CTNNA3: variants seen among roughly 807,000 people sequenced by gnomAD.
CTNNA3 encodes catenin alpha-3.
Under a neutral mutation model 95.7 loss-of-function variants are expected in CTNNA3, and 76 were observed. The ratio of observed to expected loss-of-function variants is 0.79; its 90% confidence interval spans 0.66 to 0.96. CTNNA3 has a LOEUF of 0.96. Ranked by LOEUF, CTNNA3 falls within the 40% of genes least tolerant of loss-of-function variation. The probability of loss-of-function intolerance (pLI) is 0.00; values close to 1 mark genes in which losing one functional copy is unlikely to be tolerated. For synonymous variants in CTNNA3, 431 were observed against 374.4 expected (o/e 1.15, Z -1.74); for missense variants, 1,191 against 1,089.8 (o/e 1.09, Z -1.31).
chr10:67,140,431 A>C (rs991015207), intron 7 of CTNNA3, among the ~76,000 whole-genome samples: 2 of 152,176 alleles, frequency 1.3e-5, no homozygotes, highest in Admixed American at 1.3e-4. Flanking sequence ...GATTTATATT[A>C]ATAATTACAT....
intron 12 of CTNNA3, among the ~76,000 whole-genome samples, chr10:66,329,014 G>C (rs1388118432): frequency 4.1e-5 from 6 of 147,672 alleles, no homozygotes; most frequent in African/African-American, 1.5e-4. Flanking sequence ...GCAATGTCAC[G>C]ATCTCGGCTC....
chr10:66,353,454 C>T (rs1371067082), intron 12 of CTNNA3, among the ~76,000 whole-genome samples: 2 of 152,032 alleles, frequency 1.3e-5, no homozygotes, highest in Non-Finnish European at 2.9e-5. Flanking sequence ...TTGGTATGCA[C>T]AAAAATAAAA....
rs558569759 is a variant in CTNNA3, at chr10:67,657,006, T to C, written c.-5-9488A>G. Among the ~76,000 whole-genome samples the C allele has an allele frequency of 2.6e-5, 4 of 152,324 alleles. No homozygotes were observed. The South Asian group carries it at 8.3e-4, about 32-fold the overall frequency. ...TAGGGACAGCCATTGGGAGTTCCCA[T>C]AGTAACCTAGATGAGATAAAATAAT... On this transcript the variant is annotated intron_variant, in intron 1 of 17. Coordinates refer to ENST00000433211, the MANE Select transcript of CTNNA3 (RefSeq NM_013266.4).
chr10:67,192,126 A>G (rs1863146041), intron 6 of CTNNA3, among the ~76,000 whole-genome samples: 1 of 152,060 alleles, frequency 6.6e-6, no homozygotes, highest in Non-Finnish European at 1.5e-5. Flanking sequence ...GAAACTGTAA[A>G]ACTCCTAGAA....
chr10:67,084,663 C>A (rs1857210655), intron 7 of CTNNA3, among the ~76,000 whole-genome samples: 2 of 151,824 alleles, frequency 1.3e-5, no homozygotes, highest in South Asian at 2.1e-4. Context: ...ACTTTGATAA[C>A]TTTTATAATG....
At chr10:66,860,300 C>T (rs1225311397) in intron 7 of CTNNA3, among the ~76,000 whole-genome samples, 1 of 152,092 alleles carries the variant, frequency 6.6e-6, no homozygotes, top group Non-Finnish European at 1.5e-5. Flanking sequence ...TGCCATTTCT[C>T]TTGAAATCTA....
At position 66,122,991 on chromosome 10, in the gene CTNNA3, T is replaced by C. The variant is rs981834825; in HGVS notation, c.1885-19742A>G. On this transcript the variant is annotated intron_variant, in intron 13 of 17. Transcript: ENST00000433211. The stretch of plus-strand genomic sequence containing the variant: ...TTTGGTTGGGGACACAGCCAAACCA[T>C]ATAATTCCACCCCAGCCCCTCCCAA... 5.3e-5 allele frequency among the ~76,000 whole-genome samples: 8 copies of C among 152,234 alleles called. No homozygotes were observed. In the East Asian group the frequency reaches 1.4e-3, roughly 26 times the overall value.
intron 13 of CTNNA3, among the ~76,000 whole-genome samples, chr10:66,168,728 T>C (rs1286409932): frequency 6.6e-6 from 1 of 152,186 alleles, no homozygotes; most frequent in Non-Finnish European, 1.5e-5. Flanking sequence ...ATTTTGTTAT[T>C]CTCCAGTCTT....
intron 7 of CTNNA3, among the ~76,000 whole-genome samples, chr10:66,892,628 A>G (rs995710307): frequency 3.3e-5 from 5 of 152,122 alleles, no homozygotes; most frequent in African/African-American, 1.2e-4. Context: ...AGTCAGAAAT[A>G]GTGGCATCCA....
chr10:67,245,221 C>T (rs1159056340), intron 5 of CTNNA3, among the ~76,000 whole-genome samples: 1 of 152,110 alleles, frequency 6.6e-6, no homozygotes, highest in African/African-American at 2.4e-5. Flanking sequence ...CCATGACTCC[C>T]TAACTTCTTT....
intron 6 of CTNNA3, among the ~76,000 whole-genome samples, chr10:67,200,007 T>G (rs1863568650): frequency 1.3e-5 from 2 of 152,154 alleles, no homozygotes. Flanking sequence ...CTTTGCCCCT[T>G]TTCTTTGCAG....
intron 5 of CTNNA3, among the ~76,000 whole-genome samples, chr10:67,507,822 A>G (rs1043572173): frequency 6.6e-6 from 1 of 152,194 alleles, no homozygotes; most frequent in Admixed American, 6.5e-5. Flanking sequence ...AAAACTCCTC[A>G]ACAAAATACT....
chr10:66,686,607 G>T (rs10733825), intron 9 of CTNNA3, among the ~76,000 whole-genome samples: 1 of 152,124 alleles, frequency 6.6e-6, no homozygotes, highest in Non-Finnish European at 1.5e-5. Flanking sequence ...CTTTGAACCA[G>T]TGATTGCAGA....
chr10:65,989,629 C>G (rs186154599), intron 15 of CTNNA3, among the ~76,000 whole-genome samples: 1 of 152,016 alleles, frequency 6.6e-6, no homozygotes, highest in African/African-American at 2.4e-5. Flanking sequence ...TATTATTTTG[C>G]TATTTGTACA....
chr10:66,467,267 A>C (rs1355962175), intron 11 of CTNNA3, among the ~76,000 whole-genome samples: 1 of 152,034 alleles, frequency 6.6e-6, no homozygotes, highest in East Asian at 1.9e-4. Flanking sequence ...TCATCACAGC[A>C]CTTAAAACAC....
At chr10:67,482,053 A>G (rs1464866930) in intron 5 of CTNNA3, among the ~76,000 whole-genome samples, 2 of 151,982 alleles carry the variant, frequency 1.3e-5, no homozygotes, top group African/African-American at 2.4e-5. Flanking sequence ...AAGATCAGAT[A>G]GTTGTAGATA....
intron 17 of CTNNA3, among the ~76,000 whole-genome samples, chr10:65,955,539 C>T (rs930734568): frequency 2.9e-4 from 44 of 152,008 alleles, no homozygotes; most frequent in African/African-American, 1.0e-3. Flanking sequence ...ATAAATAGCT[C>T]TTATTATTTT....
intron 10 of CTNNA3, among the ~76,000 whole-genome samples, chr10:66,546,770 C>T (rs1345964370): frequency 1.3e-5 from 2 of 152,106 alleles, no homozygotes; most frequent in Admixed American, 6.5e-5. Flanking sequence ...ACTCTTGACA[C>T]GTGGAAATTA....
intron 5 of CTNNA3, among the ~76,000 whole-genome samples, chr10:67,409,395 C>A (rs759698594): frequency 4.6e-5 from 7 of 152,156 alleles, no homozygotes; most frequent in Non-Finnish European, 1.0e-4. Flanking sequence ...CTATGGAATA[C>A]TATGCAGCCA....
Sources: gnomAD v4.1 joint callset for allele counts (sites outside exome capture counted in the v4.1 genomes callset) on GRCh38, gnomAD v4.1.1 for gene constraint, MANE v1.5 for transcripts, NCBI Gene and HGNC (gene_info 2026-07-23, HGNC 2026-07-21) for gene names.